The following IDS variants were observed in gnomAD, a reference collection of about 807,000 sequenced individuals.
IDS encodes the protein alpha-L-iduronate sulfate sulfatase.
IDS carries 1 observed loss-of-function variant against 33.5 expected under a neutral mutation model. The observed-to-expected ratio is 0.03, with a 90% CI of 0.01 to 0.14. The LOEUF is 0.14. Among genes scored for constraint, IDS ranks in the 10% least tolerant of loss-of-function variants. IDS has a pLI of 1.00. For synonymous variants in IDS, 191 were observed against 184.4 expected, an observed-to-expected ratio of 1.04 and a Z score of -0.29; for missense variants, 328 against 448.0, an observed-to-expected ratio of 0.73 and a Z score of 2.42.
rs369603623 is a variant in IDS at position 149,483,047 on chromosome X, G to A, written c.1352C>T (p.Pro451Leu). The A allele has an allele frequency of 1.6e-5, 19 of 1,205,910 alleles. No homozygotes were observed. Among genetic ancestry groups the A allele is most frequent in the South Asian group, 3.5e-5 (2 of 56,605 alleles). The change falls in exon 9 of 9, where the codon CCG becomes CTG. Residue 451 changes from proline to leucine, a missense_variant. Around this residue, in one of 4 missense-constraint regions of IDS, gnomAD observed 265 missense variants for 339.2 expected, o/e 0.78. Transcript: ENST00000340855. ...TTCACGGGGATTACCAGGGAGGTACGGATCCTCTTCCAAGTCACGGAATCG... is the reference window on the plus strand; with the variant it reads ...TTCACGGGGATTACCAGGGAGGTACAGATCCTCTTCCAAGTCACGGAATCG... ...HFRFRDLEEDPYLPGNPRELI... is the reference protein window; with the variant it reads ...HFRFRDLEEDLYLPGNPRELI...
intron 8 of IDS, among the ~76,000 whole-genome samples, chrX:149,484,694 T>C (rs1602728087): frequency 1.8e-5 from 2 of 112,594 alleles, no homozygotes; most frequent in Non-Finnish European, 1.9e-5. Flanking sequence ...TTGCGGTTCA[T>C]CCATATTTAA....
intron 7 of IDS, among the ~76,000 whole-genome samples, chrX:149,488,965 C>G (rs1557338452): frequency 9.0e-6 from 1 of 110,810 alleles, no homozygotes; most frequent in African/African-American, 3.3e-5. Context: ...TTAAAGTGCA[C>G]TTTCCCATGC....
chrX:149,498,473 G>C (rs1225813186), intron 4 of IDS, among the ~76,000 whole-genome samples, 166 bp from the exon 5 acceptor site: 3 of 112,387 alleles, frequency 2.7e-5, no homozygotes, highest in African/African-American at 9.7e-5. Context: ...GGTGTTTCTT[G>C]TTTTCCAGGC....
chrX:149,490,521 A>C (rs2089382003), intron 6 of IDS, 81 bp from the exon 7 acceptor site: 1 of 990,893 alleles, frequency 1.0e-6, no homozygotes, highest in Non-Finnish European at 1.4e-6. Context: ...TTGCCTGTGC[A>C]TCTCTCCCAA....
rs141720810 is a variant in IDS at position 149,496,444 on chromosome X, G to C, written c.781C>G (p.Pro261Ala). The change falls in exon 6 of 9, where the codon CCT becomes GCT. Residue 261 changes from proline (P) to alanine (A), a missense_variant. Around this residue, in one of 4 missense-constraint regions of IDS, gnomAD observed 265 missense variants for 339.2 expected, o/e 0.78. Coordinates refer to ENST00000340855, the MANE Select transcript of IDS (RefSeq NM_000202.8). ...PDPEVPDGLP[P>A]VAYNPWMDIR... Reference sequence around the variant, plus strand: ...TCCATCCAGGGGTTGTAGGCCACAGGGGGTAGGCCATCAGGGACCTCGGGA... The same window carrying C: ...TCCATCCAGGGGTTGTAGGCCACAGCGGGTAGGCCATCAGGGACCTCGGGA... The C allele has an allele frequency of 1.4e-4, 166 of 1,207,511 alleles. No individual in the cohort carries two copies. The African/African-American group carries it at 1.9e-3, about 13-fold the overall frequency.
chrX:149,488,559 C>T (rs1318527681), intron 7 of IDS, among the ~76,000 whole-genome samples: 1 of 107,784 alleles, frequency 9.3e-6, no homozygotes, highest in Non-Finnish European at 1.9e-5. Flanking sequence ...AATACTGGCA[C>T]GCAGCCTTCG....
At chrX:149,483,541 G>C (rs782557978) in intron 8 of IDS, among the ~76,000 whole-genome samples, 5 of 111,650 alleles carry the variant, frequency 4.5e-5, no homozygotes, top group South Asian at 3.7e-4. Flanking sequence ...CTAGGTAAAA[G>C]AGTCTGTTGA....
At chrX:149,483,445 T>G (rs1271490965) in intron 8 of IDS, among the ~76,000 whole-genome samples, 2 of 111,576 alleles carry the variant, frequency 1.8e-5, no homozygotes, top group African/African-American at 6.5e-5. Flanking sequence ...CACGAGGCTG[T>G]TGGCGCTTTT....
chrX:149,484,370 T>G (rs949838898), intron 8 of IDS, among the ~76,000 whole-genome samples: 13 of 112,582 alleles, frequency 1.2e-4, no homozygotes, highest in Admixed American at 7.5e-4. Context: ...AGGATGGAGT[T>G]CAGTGGCGCA....
rs1407207222 is a variant in IDS, at chrX:149,477,922, C to T, written c.*4824G>A. 8.9e-6 allele frequency: 1 copy of T among 112,061 alleles called. No individual in the cohort carries two copies. The highest frequency in any genetic ancestry group is 3.3e-5 in the African/African-American group (1 of 30,767). The allele number at this position is 112,061 out of a possible 1,213,427, so 9.2% of individuals were successfully genotyped here. On this transcript the variant is annotated 3_prime_UTR_variant, in exon 9 of 9. Coordinates refer to ENST00000340855, the MANE Select transcript of IDS (RefSeq NM_000202.8). ...GCAGTGGGGCTGATGGCAGGTTCCA[C>T]CACAACGGGCTATGCCTAAGGCCCC...
chrX:149,482,667 A>G lies in IDS; in HGVS notation c.*79T>C, dbSNP rs2089301812. 9 of 1,192,231 alleles carry G rather than the reference A, an allele frequency of 7.5e-6. No homozygotes were observed. The highest frequency in any genetic ancestry group is 6.8e-5 in the Admixed American group (3 of 44,128). ...GCTGCTTCCAATATTATGGGTAATC[A>G]CAAAACGACCAGCTCTAACTCCTCC... On this transcript the variant is annotated 3_prime_UTR_variant, in exon 9 of 9. Coordinates refer to ENST00000340855, the MANE Select transcript of IDS (RefSeq NM_000202.8).
At chrX:149,483,437 C>T (rs6641187) in intron 8 of IDS, among the ~76,000 whole-genome samples, 319 of 111,461 alleles carry the variant, frequency 2.9e-3, no homozygotes, top group African/African-American at 1.0e-2. Context: ...TAGGGCCCCA[C>T]GAGGCTGTTG....
At position 149,479,981 on chromosome X, in the gene IDS, A is replaced by AG. The variant is rs1164318005; in HGVS notation, c.*2764dup. Reference sequence around the variant, plus strand: ...CACAAAAACCTCAGCCTCCTTCGGGAGGGGGGGAGCTTGGTAGTGAAAAAT... The same window carrying AG: ...CACAAAAACCTCAGCCTCCTTCGGGAGGGGGGGGAGCTTGGTAGTGAAAAAT... On this transcript the variant is annotated 3_prime_UTR_variant, in exon 9 of 9. Transcript: ENST00000340855. 3.8e-5 allele frequency: 10 copies of AG among 260,606 alleles called. No individual in the cohort carries two copies. Among genetic ancestry groups the AG allele is most frequent in the South Asian group, 2.6e-4 (1 of 3,822 alleles). 21.5% of individuals were successfully genotyped at this position (260,606 alleles called of 1,213,427 possible). A position where few individuals can be genotyped will look rare whatever the true frequency, so the allele number is the denominator to read the frequency against.
intron 5 of IDS, among the ~76,000 whole-genome samples, chrX:149,497,838 C>G (rs1400567409): frequency 4.4e-5 from 5 of 112,365 alleles, no homozygotes; most frequent in Admixed American, 9.4e-5. Context: ...CCATCCAACC[C>G]AACATCTGCT....
chrX:149,488,857 C>T (rs1274432074), intron 7 of IDS, among the ~76,000 whole-genome samples: 1 of 111,329 alleles, frequency 9.0e-6, no homozygotes, highest in Non-Finnish European at 1.9e-5. Context: ...AGGTTTCTGG[C>T]TCCTGCCCCA....
intron 8 of IDS, 106 bp downstream of exon 8, chrX:149,486,819 G>A: frequency 1.2e-6 from 1 of 850,967 alleles, no homozygotes. Context: ...AAGGCAGGAA[G>A]GGGGGGTCTG....
chrX:149,502,255 G>A (rs1226699690), intron 3 of IDS: 5 of 301,846 alleles, frequency 1.7e-5, no homozygotes, highest in African/African-American at 1.3e-4. Context: ...CAGGAGGGAG[G>A]AGGTCAAGCA....
chrX:149,505,274 CCCGCAGG>C lies in IDS; in HGVS notation c.-144_-138del. 3.0e-6 allele frequency: 1 copy of C among 336,080 alleles called. No individual in the cohort carries two copies. The highest frequency in any genetic ancestry group is 4.7e-5 in the East Asian group (1 of 21,315). 27.7% of individuals were successfully genotyped at this position (336,080 alleles called of 1,213,427 possible). ...CTGCGCAACACAGCCGCCGCCCGGGCCCGCAGGCCCGGGCGCTGGCCGCAGCGCGAGT... is the reference window on the plus strand; with the variant it reads ...CTGCGCAACACAGCCGCCGCCCGGGCCCCGGGCGCTGGCCGCAGCGCGAGT... On this transcript the variant is annotated 5_prime_UTR_variant, in exon 1 of 9. Coordinates refer to ENST00000340855, the MANE Select transcript of IDS (RefSeq NM_000202.8).
intron 6 of IDS, among the ~76,000 whole-genome samples, chrX:149,493,633 C>T (rs781879555): frequency 2.7e-5 from 3 of 110,902 alleles, no homozygotes; most frequent in South Asian, 7.8e-4. Context: ...TGCTTGCAGA[C>T]GTGGGAAGCA....
Sources: allele counts gnomAD v4.1 joint callset (sites outside exome capture counted in the v4.1 genomes callset), GRCh38; gene constraint gnomAD v4.1.1; regional missense constraint gnomAD v4.1.1; transcripts MANE v1.5; gene names NCBI Gene and HGNC (gene_info 2026-07-23, HGNC 2026-07-21).